The following PRPF38B variants were observed in gnomAD, a reference collection of about 807,000 sequenced individuals.
PRPF38B encodes the protein pre-mRNA-splicing factor 38B.
A neutral mutation model predicts 67.2 loss-of-function variants in PRPF38B; 18 were observed. That is an observed-to-expected ratio of 0.27 (90% CI 0.19 to 0.40). PRPF38B has a LOEUF of 0.40. Among genes scored for constraint, PRPF38B ranks in the 10% least tolerant of loss-of-function variants. The probability of loss-of-function intolerance (pLI) is 1.00; values close to 1 mark genes in which losing one functional copy is unlikely to be tolerated. For missense variants in PRPF38B, 544 were observed against 684.9 expected (o/e 0.79, Z 2.30); for synonymous variants, 246 against 234.2 (o/e 1.05, Z -0.46).
chr1:108,695,820 G>A, intron 2 of PRPF38B, 50 bp downstream of exon 2: 1 of 1,579,634 alleles, frequency 6.3e-7, no homozygotes, highest in Non-Finnish European at 8.7e-7. Context: ...TAATAACTAA[G>A]TTTATATTTA....
chr1:108,692,650 C>T lies in PRPF38B; in HGVS notation c.59C>T (p.Ala20Val). 1 of 1,611,304 alleles carries T rather than the reference C, an allele frequency of 6.2e-7. No individual in the cohort carries two copies. The change falls in exon 1 of 6, where the codon GCA (alanine) becomes GTA (valine). Residue 20 changes from alanine (A) to valine (V), a missense_variant. This residue lies in a region of PRPF38B where 70 missense variants were observed against 58.4 expected (regional missense o/e 1.20). Transcript: ENST00000370025. ...TCGCAGCCGCAGCACCAGGCGGCTG[C>T]AGCTGCGGCTCAGCAACAGCAGCAG... ...GNSQPQHQAA[A>V]AAAQQQQQCG...
In PRPF38B at chr1:108,700,046, T is replaced by C. The variant is rs772084755; in HGVS notation, c.*26T>C. On this transcript the variant is annotated 3_prime_UTR_variant, in exon 6 of 6. Coordinates refer to ENST00000370025, the MANE Select transcript of PRPF38B (RefSeq NM_018061.4). ...AAATATTTTGTAAAAGTGGATCACA[T>C]TGAATCCTATAAATGATTAAATCTG... 4 of 1,561,596 alleles carry C rather than the reference T, an allele frequency of 2.6e-6. No homozygotes were observed. The highest frequency in any genetic ancestry group is 2.1e-5 in the Admixed American group (1 of 47,884).
chr1:108,698,079 T>C (rs1489900846), intron 4 of PRPF38B: 1 of 152,286 alleles, frequency 6.6e-6, no homozygotes, highest in Non-Finnish European at 1.5e-5. Flanking sequence ...TATTTGTTCA[T>C]TTATTTATTT....
Position 108,698,659 on chromosome 1 carries a change from G to A in PRPF38B, c.614G>A (p.Arg205Gln), listed in dbSNP as rs763550191. Residue 205 changes from arginine (R) to glutamine (Q), a missense_variant, in exon 5 of 6, where the codon CGA (arginine) becomes CAA (glutamine). This residue lies in a region of PRPF38B where 57 missense variants were observed against 122.7 expected (regional missense o/e 0.46). Coordinates refer to ENST00000370025, the MANE Select transcript of PRPF38B (RefSeq NM_018061.4). ...GTAATGACCATTGGAGAAATGCTAC[G>A]ATCTTTTCTCACAAAACTGGAGTGG... ...GCVMTIGEML[R>Q]SFLTKLEWFS... 2 of 1,613,896 alleles carry A rather than the reference G, an allele frequency of 1.2e-6. No individual in the cohort carries two copies. The highest frequency in any genetic ancestry group is 2.2e-5 in the East Asian group (1 of 44,872).
At position 108,699,199 on chromosome 1, in the gene PRPF38B, A is replaced by G. The variant is rs574897510; in HGVS notation, c.820A>G (p.Arg274Gly). Residue 274 changes from arginine (R) to glycine (G), a missense_variant, in exon 6 of 6, where the codon AGA becomes GGA. Arg to Gly is a moderately radical substitution (Grantham distance 125, BLOSUM62 -2). This residue lies in a region of PRPF38B where 387 missense variants were observed against 386.1 expected (regional missense o/e 1.00). Transcript: ENST00000370025. ...ATCTCTGAGTCCACGGAGGTCCCCA[A>G]GAAGGTCAAGAAGTAGAAGTCATCA... ...RRSLSPRRSP[R>G]RSRSRSHHRE... The G allele has an allele frequency of 6.2e-6, 10 of 1,613,678 alleles. No individual in the cohort carries two copies. The South Asian group carries it at 9.9e-5, about 16-fold the overall frequency.
chr1:108,696,381 C>G (rs1229832619), intron 4 of PRPF38B, 44 bp downstream of exon 4: 9 of 1,497,610 alleles, frequency 6.0e-6, no homozygotes, highest in Non-Finnish European at 7.4e-6. Flanking sequence ...TGATTACTCT[C>G]ATATTTTTAT....
chr1:108,701,747 T>C lies in PRPF38B; in HGVS notation c.*1727T>C, dbSNP rs1490366852. ...TTGCAAGAGTCCTCCATATGTGGGC[T>C]TAACATATGTACCACTCCATTTTAG... On this transcript the variant is annotated 3_prime_UTR_variant, in exon 6 of 6. Transcript: ENST00000370025. The C allele has an allele frequency of 6.6e-6, 1 of 152,220 alleles. No homozygotes were observed. The highest frequency in any genetic ancestry group is 2.4e-5 in the African/African-American group (1 of 41,456). 9.4% of individuals were successfully genotyped at this position (152,220 alleles called of 1,614,324 possible).
At chr1:108,692,911 AGG>A (rs562302686) in intron 1 of PRPF38B, 44 bp downstream of exon 1, 2 of 1,577,604 alleles carry the variant, frequency 1.3e-6, no homozygotes, top group African/African-American at 1.4e-5. Flanking sequence ...AGTTCGGAAG[AGG>A]GGGTATGGAG....
rs1419561617 is a variant in PRPF38B, at chr1:108,701,037, CTT to C, written c.*1018_*1019del. 2 of 152,516 alleles carry C rather than the reference CTT, an allele frequency of 1.3e-5. No individual in the cohort carries two copies. Among genetic ancestry groups the C allele is most frequent in the East Asian group, 1.9e-4 (1 of 5,198 alleles). 9.4% of individuals were successfully genotyped at this position (152,516 alleles called of 1,614,324 possible). ...GGAGATTGCTGTTTGAGTTTTTAAACTTAATCTAGAACAGAGGAGTATTAAAA... is the reference window on the plus strand; with the variant it reads ...GGAGATTGCTGTTTGAGTTTTTAAACAATCTAGAACAGAGGAGTATTAAAA... On this transcript the variant is annotated 3_prime_UTR_variant, in exon 6 of 6. Coordinates refer to ENST00000370025, the MANE Select transcript of PRPF38B (RefSeq NM_018061.4).
At chr1:108,695,676 G>C in intron 1 of PRPF38B, 26 bp from the exon 2 acceptor site, 1 of 1,610,860 alleles carries the variant, frequency 6.2e-7, no homozygotes, top group Non-Finnish European at 8.5e-7. Context: ...ATGAATGTTT[G>C]TTGTGTTCCT....
In PRPF38B at chr1:108,699,766, A is replaced by G. The variant is rs982840903; in HGVS notation, c.1387A>G (p.Ser463Gly). The G allele has an allele frequency of 3.1e-6, 5 of 1,613,094 alleles. No individual in the cohort carries two copies. The highest frequency in any genetic ancestry group is 4.2e-6 in the Non-Finnish European group (5 of 1,179,846). The part of the protein sequence containing the change: ...KEKSSKHKNE[S>G]KEKSNKRSRS... ...GAAATCAAGTAAACATAAAAATGAA[A>G]GTAAAGAAAAATCAAATAAACGAAG... is the stretch of plus-strand genomic sequence containing the variant. The change falls in exon 6 of 6, where the codon AGT becomes GGT. Residue 463 changes from serine to glycine, a missense_variant. By Grantham distance (56) the Ser-to-Gly change is moderately conservative (BLOSUM62 0). This residue lies in a region of PRPF38B where 387 missense variants were observed against 386.1 expected (regional missense o/e 1.00). Transcript: ENST00000370025.
intron 1 of PRPF38B, chr1:108,693,698 A>AC: frequency 1.1e-6 from 1 of 911,312 alleles, no homozygotes; most frequent in Admixed American, 6.2e-5. Flanking sequence ...GGTTAAATGA[A>AC]CGACTAATTA....
rs202150869 is a variant in PRPF38B, at chr1:108,696,029, C to G, written c.346-14C>G. On this transcript the variant is annotated splice_polypyrimidine_tract_variant and intron_variant, in intron 2 of 5. Coordinates refer to ENST00000370025, the MANE Select transcript of PRPF38B (RefSeq NM_018061.4). ...ATTATTTTACTACTTTTTCTTAACT[C>G]GTTTCCCCTAAAGGTTCGAGGTGTT... The G allele has an allele frequency of 1.0e-5, 16 of 1,606,154 alleles. No homozygotes were observed. The highest frequency in any genetic ancestry group is 1.3e-5 in the African/African-American group (1 of 74,264).
chr1:108,698,915 T>C (rs544131172), intron 5 of PRPF38B, 88 bp downstream of exon 5: 1 of 1,322,278 alleles, frequency 7.6e-7, no homozygotes, highest in African/African-American at 1.5e-5. Flanking sequence ...CTTAGGAATT[T>C]GTTTTTACTG....
chr1:108,698,880 TAATG>T, intron 5 of PRPF38B, 53 bp downstream of exon 5: 1 of 1,482,978 alleles, frequency 6.7e-7, no homozygotes. Context: ...TATACAAAAT[TAATG>T]GTTCTGAGAA....
In PRPF38B at chr1:108,702,774, TAAAG is replaced by T; in HGVS notation, c.*2755_*2758del. Among the ~76,000 whole-genome samples the T allele has an allele frequency of 6.6e-6, 1 of 152,286 alleles. No homozygotes were observed. The highest frequency in any genetic ancestry group is 2.4e-5 in the African/African-American group (1 of 41,544). On this transcript the variant is annotated 3_prime_UTR_variant, in exon 6 of 6. Coordinates refer to ENST00000370025, the MANE Select transcript of PRPF38B (RefSeq NM_018061.4). ...CACGTTCTGCACATGTATCTGAACT[TAAAG>T]TATAATTTAAAAAAATTTTTAATAC...
rs550600703 is a variant in PRPF38B, at chr1:108,699,422, A to T, written c.1043A>T (p.Asp348Val). The change falls in exon 6 of 6, where the codon GAT (aspartate) becomes GTT (valine). Residue 348 changes from aspartate (D) to valine (V), a missense_variant. By Grantham distance (152) the Asp-to-Val change is radical. Transcript: ENST00000370025. ...AGTCGAAGTCGTGATAGGAAAGGGG[A>T]TAGAAGGGACAGGGATCGAGAAAGA... is the stretch of plus-strand genomic sequence containing the variant. ...SRSRSRDRKG[D>V]RRDRDREREK... 3.3e-5 allele frequency: 53 copies of T among 1,614,010 alleles called. No individual in the cohort carries two copies. The highest frequency in any genetic ancestry group is 4.2e-5 in the Non-Finnish European group (50 of 1,180,020).
At chr1:108,693,483 T>C (rs906455296) in intron 1 of PRPF38B, 1 of 387,608 alleles carries the variant, frequency 2.6e-6, no homozygotes, top group Non-Finnish European at 3.5e-6. Flanking sequence ...TAGAATTATC[T>C]GGGCCCTGGG....
Position 108,702,914 on chromosome 1 carries a change from A to G in PRPF38B, c.*2894A>G, listed in dbSNP as rs1383539159. On this transcript the variant is annotated 3_prime_UTR_variant, in exon 6 of 6. Transcript: ENST00000370025. ...AATGTTCAATTTGCAATTAAATTCT[A>G]TACATGGGCGAGTATATCATCAATC... 6.6e-6 allele frequency among the ~76,000 whole-genome samples: 1 copy of G among 152,196 alleles called. No individual in the cohort carries two copies. The highest frequency in any genetic ancestry group is 2.4e-5 in the African/African-American group (1 of 41,452).
Sources: allele counts gnomAD v4.1 joint callset (sites outside exome capture counted in the v4.1 genomes callset), GRCh38; gene constraint gnomAD v4.1.1; regional missense constraint gnomAD v4.1.1; transcripts MANE v1.5; gene names NCBI Gene and HGNC (gene_info 2026-07-23, HGNC 2026-07-21).